Variants in SGCZ observed in about 807,000 individuals in gnomAD.
SGCZ encodes the protein zeta-sarcoglycan.
SGCZ carries 40 observed loss-of-function variants against 41.3 expected under a neutral mutation model. The ratio of observed to expected loss-of-function variants is 0.97; its 90% CI spans 0.75 to 1.26. The LOEUF (loss-of-function observed/expected upper bound fraction) is 1.26. Among genes scored for constraint, SGCZ ranks in the 50% most tolerant of loss-of-function variants. SGCZ has a pLI of 0.00. For synonymous variants in SGCZ, 206 were observed against 137.5 expected (o/e 1.50, Z -3.49); for missense variants, 552 against 369.8 (o/e 1.49, Z -4.04).
intron 2 of SGCZ, among the ~76,000 whole-genome samples, chr8:14,350,122 C>A (rs772250712): frequency 1.3e-5 from 2 of 151,776 alleles, no homozygotes; most frequent in Admixed American, 6.6e-5. Context: ...GGAAGGTGAA[C>A]GATAGAGAAA....
At chr8:15,024,407 C>A (rs1160671178) in intron 1 of SGCZ, among the ~76,000 whole-genome samples, 1 of 152,084 alleles carries the variant, frequency 6.6e-6, no homozygotes, top group Non-Finnish European at 1.5e-5. Flanking sequence ...GAGAGTTGTG[C>A]CTGGCATTTA....
At chr8:15,039,744 T>C (rs978313548) in intron 1 of SGCZ, among the ~76,000 whole-genome samples, 2 of 152,200 alleles carry the variant, frequency 1.3e-5, no homozygotes, top group African/African-American at 4.8e-5. Context: ...GAAAATAATG[T>C]TTTATTATTG....
chr8:14,591,615 C>T (rs900888428), intron 1 of SGCZ, among the ~76,000 whole-genome samples: 2 of 152,000 alleles, frequency 1.3e-5, no homozygotes, highest in South Asian at 4.1e-4. Context: ...CTTATGCAAA[C>T]GTTATTGATA....
intron 1 of SGCZ, among the ~76,000 whole-genome samples, chr8:15,152,122 C>T (rs1799194392): frequency 6.6e-6 from 1 of 152,094 alleles, no homozygotes; most frequent in Non-Finnish European, 1.5e-5. Context: ...TTGTTAAAAA[C>T]TGAGATGTCC....
intron 1 of SGCZ, among the ~76,000 whole-genome samples, chr8:14,612,091 G>A (rs1054165486): frequency 2.6e-5 from 4 of 152,156 alleles, no homozygotes; most frequent in African/African-American, 7.2e-5. Context: ...CTATGAAAAC[G>A]TATGTCTTTC....
At chr8:15,180,813 G>T (rs1324990801) in intron 1 of SGCZ, among the ~76,000 whole-genome samples, 1 of 151,898 alleles carries the variant, frequency 6.6e-6, no homozygotes, top group African/African-American at 2.4e-5. Context: ...CATGAACCCA[G>T]GAGGCAGAGT....
intron 4 of SGCZ, among the ~76,000 whole-genome samples, chr8:14,221,632 T>G (rs1806197202): frequency 6.6e-6 from 1 of 152,130 alleles, no homozygotes; most frequent in Non-Finnish European, 1.5e-5. Flanking sequence ...GTTATCATAG[T>G]TTAGATTCAA....
intron 1 of SGCZ, among the ~76,000 whole-genome samples, chr8:15,046,672 A>T (rs541037157): frequency 1.3e-5 from 2 of 152,102 alleles, no homozygotes; most frequent in South Asian, 4.1e-4. Flanking sequence ...AGGATGCTAG[A>T]TGTGCTCATT....
intron 1 of SGCZ, among the ~76,000 whole-genome samples, chr8:14,606,721 G>A (rs987673534): frequency 6.6e-6 from 1 of 152,198 alleles, no homozygotes; most frequent in African/African-American, 2.4e-5. Flanking sequence ...GAAGTATACA[G>A]CAAAATCCCT....
chr8:14,137,581 G>A (rs908753687), intron 5 of SGCZ, among the ~76,000 whole-genome samples: 1 of 152,170 alleles, frequency 6.6e-6, no homozygotes, highest in Non-Finnish European at 1.5e-5. Flanking sequence ...GGGTATCAGT[G>A]ATTGAAAACC....
In SGCZ at chr8:14,849,847, C is replaced by G. The variant is rs115024036; in HGVS notation, c.40-294921G>C. 9.2e-3 allele frequency among the ~76,000 whole-genome samples: 1,405 copies of G among 152,246 alleles called. 14 individuals are homozygous for G. The highest frequency in any genetic ancestry group is 0.032 in the African/African-American group (1,324 of 41,558). On this transcript the variant is annotated intron_variant, in intron 1 of 7. Transcript: ENST00000382080. Reference sequence around the variant, plus strand: ...GAAATTCAAATTGGAAATTATAGCACTCCAAGTACTATCTACGATAGAAAC... The same window carrying G: ...GAAATTCAAATTGGAAATTATAGCAGTCCAAGTACTATCTACGATAGAAAC...
intron 2 of SGCZ, among the ~76,000 whole-genome samples, chr8:14,381,789 AAAAAAAC>A (rs904240758): frequency 3.9e-5 from 6 of 152,184 alleles, no homozygotes; most frequent in African/African-American, 9.6e-5. Context: ...CTGTCTCAAA[AAAAAAAC>A]AAAAAACAAA....
chr8:14,663,315 T>C (rs190620846), intron 1 of SGCZ, among the ~76,000 whole-genome samples: 1 of 152,228 alleles, frequency 6.6e-6, no homozygotes, highest in Non-Finnish European at 1.5e-5. Context: ...CGTATTTTTC[T>C]TCTTTTCTTA....
chr8:14,730,390 C>G (rs865826198), intron 1 of SGCZ, among the ~76,000 whole-genome samples: 1 of 151,942 alleles, frequency 6.6e-6, no homozygotes, highest in Admixed American at 6.6e-5. Context: ...TAAGGATAAG[C>G]AAAAATCAGT....
chr8:14,314,632 A>T (rs1254625493), intron 3 of SGCZ, among the ~76,000 whole-genome samples: 1 of 152,110 alleles, frequency 6.6e-6, no homozygotes, highest in Non-Finnish European at 1.5e-5. Context: ...TTTGAACTAC[A>T]ATCAGTAGGT....
At chr8:14,848,293 T>A (rs1439128748) in intron 1 of SGCZ, among the ~76,000 whole-genome samples, 1 of 152,074 alleles carries the variant, frequency 6.6e-6, no homozygotes, top group Non-Finnish European at 1.5e-5. Flanking sequence ...CCCAAATGGG[T>A]CCATAGTTTC....
intron 1 of SGCZ, among the ~76,000 whole-genome samples, chr8:14,929,938 G>C (rs1799879189): frequency 6.6e-6 from 1 of 151,914 alleles, no homozygotes; most frequent in Non-Finnish European, 1.5e-5. Context: ...TTACATAACA[G>C]CATTTTCACT....
intron 4 of SGCZ, among the ~76,000 whole-genome samples, chr8:14,196,978 T>C (rs996593928): frequency 2.0e-5 from 3 of 152,028 alleles, no homozygotes; most frequent in Non-Finnish European, 4.4e-5. Context: ...TGACTGCAAA[T>C]GGACAATAAG....
intron 1 of SGCZ, among the ~76,000 whole-genome samples, chr8:14,618,237 T>C (rs563042622): frequency 1.1e-3 from 165 of 152,294 alleles, no homozygotes; most frequent in Middle Eastern, 0.01. Flanking sequence ...GTAAATGATA[T>C]GGTATGTTAT....
Sources: allele counts gnomAD v4.1 joint callset (sites outside exome capture counted in the v4.1 genomes callset), GRCh38; gene constraint gnomAD v4.1.1; transcripts MANE v1.5; gene names NCBI Gene and HGNC (gene_info 2026-07-23, HGNC 2026-07-21).